Variants in ATP13A4 observed in about 807,000 individuals in gnomAD.
ATP13A4 encodes ATPase 13A4, also known as probable cation-transporting ATPase 13A4.
In ATP13A4, 114 loss-of-function variants were observed where a neutral mutation model predicts 142.5. That is an observed-to-expected ratio of 0.80 (90% CI 0.69 to 0.93). The LOEUF (loss-of-function observed/expected upper bound fraction) is 0.93. ATP13A4 is among the 40% of genes least tolerant of loss of function. ATP13A4 has a pLI of 0.00. For synonymous variants in ATP13A4, 488 were observed against 514.8 expected, an observed-to-expected ratio of 0.95 and a Z score of 0.70; for missense variants, 1,392 against 1,454.0, an observed-to-expected ratio of 0.96 and a Z score of 0.69.
intron 1 of ATP13A4, among the ~76,000 whole-genome samples, chr3:193,533,939 A>G (rs554113184): frequency 3.9e-5 from 6 of 152,228 alleles, no homozygotes; most frequent in African/African-American, 1.4e-4. Flanking sequence ...GCTCCTCTCC[A>G]TCTCTGTGCT....
intron 2 of ATP13A4, among the ~76,000 whole-genome samples, chr3:193,569,589 G>A (rs1448461114): frequency 1.3e-5 from 2 of 151,796 alleles, no homozygotes; most frequent in Non-Finnish European, 2.9e-5. Context: ...TGTCACCCAG[G>A]CAACAATAGC....
intron 1 of ATP13A4, among the ~76,000 whole-genome samples, chr3:193,530,819 T>A (rs868585598): frequency 6.6e-6 from 1 of 152,160 alleles, no homozygotes. Context: ...ATACTTAAAA[T>A]CTTTACATCT....
At chr3:193,413,358 CAT>C (rs1315544578) in intron 26 of ATP13A4, among the ~76,000 whole-genome samples, 10 of 152,144 alleles carry the variant, frequency 6.6e-5, no homozygotes, top group East Asian at 1.9e-4. Context: ...GATTGTAAAA[CAT>C]GTGTGTTTGA....
At chr3:193,539,733 C>T (rs1308562131) in intron 1 of ATP13A4, among the ~76,000 whole-genome samples, 2 of 152,144 alleles carry the variant, frequency 1.3e-5, no homozygotes, top group Admixed American at 1.3e-4. Context: ...ATAGTGCCTA[C>T]CTAATGGGGT....
At chr3:193,535,995 A>C (rs1722572120) in intron 1 of ATP13A4, among the ~76,000 whole-genome samples, 1 of 152,062 alleles carries the variant, frequency 6.6e-6, no homozygotes, top group African/African-American at 2.4e-5. Context: ...GTACTTCCTA[A>C]ATTTTCAAAG....
At chr3:193,568,919 GAATA>G (rs1354506729) in intron 2 of ATP13A4, among the ~76,000 whole-genome samples, 1 of 152,140 alleles carries the variant, frequency 6.6e-6, no homozygotes, top group African/African-American at 2.4e-5. Context: ...ATAAGTTATA[GAATA>G]AATAAACAAA....
At chr3:193,438,386 A>C in intron 23 of ATP13A4, 89 bp downstream of exon 23, 3 of 1,108,898 alleles carry the variant, frequency 2.7e-6, no homozygotes, top group Non-Finnish European at 4.1e-6. Context: ...AGGGACAGAA[A>C]GTTTCTCTAG....
Position 193,457,483 on chromosome 3 carries a change from T to A in ATP13A4, c.1675-18A>T, listed in dbSNP as rs1214929566. 1.9e-6 allele frequency: 3 copies of A among 1,594,862 alleles called. No individual in the cohort carries two copies. Among genetic ancestry groups the A allele is most frequent in the Non-Finnish European group, 1.7e-6 (2 of 1,164,450 alleles). On this transcript the variant is annotated intron_variant, in intron 14 of 29. Transcript: ENST00000342695. ...GCCATTTCCTATTTCACAAATAGGATATTTCATTGCAGAGATTTATTTATT... is the reference window on the plus strand; with the variant it reads ...GCCATTTCCTATTTCACAAATAGGAAATTTCATTGCAGAGATTTATTTATT...
chr3:193,459,972 C>T (rs1421113845), intron 13 of ATP13A4, among the ~76,000 whole-genome samples: 1 of 152,190 alleles, frequency 6.6e-6, no homozygotes, highest in African/African-American at 2.4e-5. Context: ...CTTGGTTAGT[C>T]ACAGCCCCTT....
chr3:193,489,626 A>G (rs971506362), intron 7 of ATP13A4, 104 bp downstream of exon 7: 44 of 1,264,542 alleles, frequency 3.5e-5, no homozygotes, highest in Non-Finnish European at 4.6e-5. Flanking sequence ...CTCATTTACT[A>G]CGGAGTAGGA....
At chr3:193,444,894 A>T (rs1716854021) in intron 18 of ATP13A4, among the ~76,000 whole-genome samples, 1 of 152,216 alleles carries the variant, frequency 6.6e-6, no homozygotes, top group African/African-American at 2.4e-5. Flanking sequence ...CTGAGCGCTC[A>T]TAGGCTTCCT....
intron 25 of ATP13A4, among the ~76,000 whole-genome samples, chr3:193,418,725 T>A (rs963047348): frequency 2.7e-5 from 4 of 150,038 alleles, no homozygotes; most frequent in African/African-American, 9.8e-5. Flanking sequence ...CACACAGCTG[T>A]GCTACCCCAG....
chr3:193,474,720 G>A (rs9823250), intron 8 of ATP13A4, among the ~76,000 whole-genome samples: 68,849 of 145,110 alleles, frequency 0.47, 16,266 homozygotes, highest in African/African-American at 0.53. Context: ...GAAAGAGAGA[G>A]AGAAAGAAAG....
chr3:193,462,115 G>A lies in ATP13A4; in HGVS notation c.1523+647C>T, dbSNP rs564653355. 8.4e-4 allele frequency among the ~76,000 whole-genome samples: 127 copies of A among 151,896 alleles called. 1 individual carries two copies. Among genetic ancestry groups the A allele is most frequent in the South Asian group, 3.3e-3 (16 of 4,798 alleles). On this transcript the variant is annotated intron_variant, in intron 13 of 29. Transcript: ENST00000342695. ...CAGGCACCTGTAATCTCAGCTACTCGGGAGGCTGAGGCAGGAGAATCGCTT... is the reference window on the plus strand; with the variant it reads ...CAGGCACCTGTAATCTCAGCTACTCAGGAGGCTGAGGCAGGAGAATCGCTT...
rs184543930 is a variant in ATP13A4, at chr3:193,414,142, C to T, written c.3014+437G>A. 3.4e-3 allele frequency among the ~76,000 whole-genome samples: 512 copies of T among 152,202 alleles called. 5 individuals are homozygous for T. The highest frequency in any genetic ancestry group is 0.012 in the African/African-American group (485 of 41,528). On this transcript the variant is annotated intron_variant, in intron 26 of 29. Coordinates refer to ENST00000342695, the MANE Select transcript of ATP13A4 (RefSeq NM_032279.4). ...ATGTTGAAATATTGGGGGCAGGTTC[C>T]CCCGATAAACAACAACAACAAATCT...
intron 1 of ATP13A4, 117 bp from the exon 2 acceptor site, chr3:193,514,988 G>T: frequency 7.2e-6 from 8 of 1,109,882 alleles, no homozygotes; most frequent in Non-Finnish European, 1.1e-5. Flanking sequence ...GGAGGGTGAG[G>T]AGAGGGCAGG....
intron 20 of ATP13A4, among the ~76,000 whole-genome samples, chr3:193,440,880 T>C (rs1017748668): frequency 6.6e-6 from 1 of 152,194 alleles, no homozygotes; most frequent in Non-Finnish European, 1.5e-5. Flanking sequence ...ATGAAAATGA[T>C]GACCTACAGG....
intron 25 of ATP13A4, among the ~76,000 whole-genome samples, chr3:193,416,543 T>C (rs894459030): frequency 3.3e-5 from 5 of 152,064 alleles, no homozygotes; most frequent in African/African-American, 1.2e-4. Flanking sequence ...GTACTGTAAG[T>C]TAAGTGAAAA....
intron 25 of ATP13A4, among the ~76,000 whole-genome samples, chr3:193,429,152 A>G (rs1715836048): frequency 6.6e-6 from 1 of 152,086 alleles, no homozygotes; most frequent in African/African-American, 2.4e-5. Context: ...TTGTCCATTA[A>G]ATAACAAGAG....
Sources: gnomAD v4.1 joint callset for allele counts (sites outside exome capture counted in the v4.1 genomes callset) on GRCh38, gnomAD v4.1.1 for gene constraint, MANE v1.5 for transcripts, NCBI Gene and HGNC (gene_info 2026-07-23, HGNC 2026-07-21) for gene names.